Variants in CCNI observed in about 807,000 individuals in gnomAD.
CCNI encodes cyclin-I.
Under a neutral mutation model 34.1 loss-of-function variants are expected in CCNI, and 14 were observed. The ratio of observed to expected loss-of-function variants is 0.41; its 90% confidence interval spans 0.27 to 0.64. The LOEUF is 0.64. CCNI is among the 30% of genes least tolerant of loss of function. The probability of loss-of-function intolerance (pLI) is 0.31; values close to 1 mark genes in which losing one functional copy is unlikely to be tolerated. For missense variants in CCNI, 385 were observed against 440.5 expected (o/e 0.87, Z 1.13); for synonymous variants, 154 against 158.4 (o/e 0.97, Z 0.21).
intron 1 of CCNI, among the ~76,000 whole-genome samples, chr4:77,072,651 A>G (rs968300934): frequency 6.7e-6 from 1 of 149,892 alleles, no homozygotes; most frequent in South Asian, 2.1e-4. Flanking sequence ...AAAAAAAAAA[A>G]AAAAAAAAAA....
chr4:77,064,130 C>T (rs1455293055), intron 2 of CCNI, among the ~76,000 whole-genome samples: 1 of 151,756 alleles, frequency 6.6e-6, no homozygotes, highest in Non-Finnish European at 1.5e-5. Context: ...TTAATTCCAG[C>T]TACTTGGGAA....
chr4:77,048,777 T>G, intron 6 of CCNI, 115 bp from the exon 7 acceptor site: 1 of 622,748 alleles, frequency 1.6e-6, no homozygotes, highest in African/African-American at 1.8e-5. Flanking sequence ...GCTGAGTCTT[T>G]TCTCTCCCCA....
rs544982244 is a variant in CCNI, at chr4:77,059,711, G to C, written c.115-1076C>G. On this transcript the variant is annotated intron_variant, in intron 2 of 6. Coordinates refer to ENST00000237654, the MANE Select transcript of CCNI (RefSeq NM_006835.3). ...CCTACAATGGTATGGAACACTAGAA[G>C]TTATTCCTCATATCTAGCTGTAATT... Among the ~76,000 whole-genome samples the C allele has an allele frequency of 7.2e-5, 11 of 152,184 alleles. No individual in the cohort carries two copies. The South Asian group carries it at 2.3e-3, about 32-fold the overall frequency.
intron 2 of CCNI, among the ~76,000 whole-genome samples, chr4:77,062,150 A>G (rs181548904): frequency 1.6e-3 from 250 of 152,244 alleles, no homozygotes; most frequent in South Asian, 4.6e-3. Context: ...CTTATTATGT[A>G]TCTCTTGAGA....
chr4:77,073,572 A>G (rs1729655774), intron 1 of CCNI, among the ~76,000 whole-genome samples: 1 of 152,218 alleles, frequency 6.6e-6, no homozygotes, highest in Non-Finnish European at 1.5e-5. Flanking sequence ...ATGCACTAGA[A>G]ACAATGAATT....
At chr4:77,054,611 T>C (rs1353350951) in intron 6 of CCNI, among the ~76,000 whole-genome samples, 1 of 152,232 alleles carries the variant, frequency 6.6e-6, no homozygotes, top group Non-Finnish European at 1.5e-5. Flanking sequence ...AACCTATACA[T>C]TTTATAATAA....
chr4:77,075,791 G>C lies in CCNI; in HGVS notation c.-363C>G, dbSNP rs1560790676. 1 of 153,726 alleles carries C rather than the reference G, an allele frequency of 6.5e-6. No homozygotes were observed. Among genetic ancestry groups the C allele is most frequent in the Non-Finnish European group, 1.4e-5 (1 of 69,498 alleles). 9.5% of individuals were successfully genotyped at this position (153,726 alleles called of 1,614,324 possible). A position where few individuals can be genotyped will look rare whatever the true frequency, so the allele number is the denominator to read the frequency against. On this transcript the variant is annotated 5_prime_UTR_variant, in exon 1 of 7. Transcript: ENST00000237654. Reference sequence around the variant, plus strand: ...GGGGGCTCCCTCTCGCCATAGGGCGGCGGGGGCCGGGGAGAGGCGGGGGGT... The same window carrying C: ...GGGGGCTCCCTCTCGCCATAGGGCGCCGGGGGCCGGGGAGAGGCGGGGGGT...
chr4:77,070,227 G>C (rs927104981), intron 1 of CCNI, among the ~76,000 whole-genome samples: 1 of 151,892 alleles, frequency 6.6e-6, no homozygotes, highest in Non-Finnish European at 1.5e-5. Flanking sequence ...ATGTTGGCCA[G>C]GCTGGTCTTG....
intron 1 of CCNI, chr4:77,075,059 A>C (rs1729798298): frequency 6.7e-6 from 1 of 150,342 alleles, no homozygotes; most frequent in Non-Finnish European, 1.5e-5. Context: ...TGCCGTGCAA[A>C]GTTAGTAATC....
In CCNI at chr4:77,056,548, G is replaced by C. The variant is rs555748209; in HGVS notation, c.244-225C>G. ...GCTTTAGAGCAGTAATGAAAGGAAG[G>C]AAAGTACACTTGCAAGATCAAGTGT... On this transcript the variant is annotated intron_variant, in intron 3 of 6. Coordinates refer to ENST00000237654, the MANE Select transcript of CCNI (RefSeq NM_006835.3). 4 of 473,440 alleles carry C rather than the reference G, an allele frequency of 8.4e-6. No individual in the cohort carries two copies. In the South Asian group the frequency reaches 9.1e-5, roughly 11 times the overall value. 29.3% of individuals were successfully genotyped at this position (473,440 alleles called of 1,614,324 possible).
intron 6 of CCNI, among the ~76,000 whole-genome samples, chr4:77,050,803 G>T (rs1432035003): frequency 6.7e-6 from 1 of 149,704 alleles, no homozygotes; most frequent in African/African-American, 2.5e-5. Context: ...AAAGCACAGA[G>T]AAAGGATGGA....
intron 6 of CCNI, among the ~76,000 whole-genome samples, chr4:77,050,071 A>G (rs1449858510): frequency 6.6e-6 from 1 of 152,124 alleles, no homozygotes; most frequent in Non-Finnish European, 1.5e-5. Flanking sequence ...TTCCTAGCAT[A>G]CCCTCAACTT....
At chr4:77,066,451 G>C (rs1248323188) in intron 1 of CCNI, 46 bp from the exon 2 acceptor site, 9 of 1,452,274 alleles carry the variant, frequency 6.2e-6, no homozygotes, top group African/African-American at 1.4e-5. Context: ...AATAAGTGTA[G>C]CATTATATAA....
In CCNI at chr4:77,047,722, T is replaced by C. The variant is rs4252952; in HGVS notation, c.*497A>G. 7.7e-3 allele frequency: 1,174 copies of C among 153,278 alleles called. 8 individuals are homozygous for C. Among genetic ancestry groups the C allele is most frequent in the African/African-American group, 0.024 (994 of 41,550 alleles). The allele number at this position is 153,278 out of a possible 1,614,324, so 9.5% of individuals were successfully genotyped here. On this transcript the variant is annotated 3_prime_UTR_variant, in exon 7 of 7. Transcript: ENST00000237654. ...TTCCAAAGTACCCTTTTCAGACTAA[T>C]TGGAACTTGAGTCATGGCTGTCACA...
intron 1 of CCNI, among the ~76,000 whole-genome samples, chr4:77,072,142 TA>T (rs1017591809): frequency 2.0e-5 from 3 of 151,814 alleles, no homozygotes; most frequent in African/African-American, 7.3e-5. Flanking sequence ...CCAGCAATAT[TA>T]AAAAAAGGAT....
rs1054775045 is a variant in CCNI at position 77,075,952 on chromosome 4, G to A, written c.-524C>T. 1.5e-4 allele frequency: 23 copies of A among 151,948 alleles called. No homozygotes were observed. The highest frequency in any genetic ancestry group is 5.3e-4 in the African/African-American group (22 of 41,378). The allele number at this position is 151,948 out of a possible 1,614,324, so 9.4% of individuals were successfully genotyped here. ...AAATAAGAAAAAGCGAGACAGAGGC[G>A]CTGCCGCGTCCGCTCGCGGGGAAGG... is the stretch of plus-strand genomic sequence containing the variant. On this transcript the variant is annotated 5_prime_UTR_variant, in exon 1 of 7. Coordinates refer to ENST00000237654, the MANE Select transcript of CCNI (RefSeq NM_006835.3).
chr4:77,075,126 T>G (rs1374024347), intron 1 of CCNI: 1 of 152,098 alleles, frequency 6.6e-6, no homozygotes, highest in East Asian at 1.9e-4. Context: ...TCCCCTTCTT[T>G]GTGTATTAAC....
chr4:77,067,524 C>T (rs1429212723), intron 1 of CCNI, among the ~76,000 whole-genome samples: 1 of 152,038 alleles, frequency 6.6e-6, no homozygotes, highest in Non-Finnish European at 1.5e-5. Flanking sequence ...ACAAGAGTCC[C>T]ACTCTGTTGC....
chr4:77,056,140 G>C, intron 4 of CCNI, 38 bp from the exon 5 acceptor site: 1 of 1,606,318 alleles, frequency 6.2e-7, no homozygotes, highest in Non-Finnish European at 8.5e-7. Flanking sequence ...AGGGAGAAAA[G>C]GACAGAAAAG....
Sources: gnomAD v4.1 joint callset for allele counts (sites outside exome capture counted in the v4.1 genomes callset) on GRCh38, gnomAD v4.1.1 for gene constraint, MANE v1.5 for transcripts, NCBI Gene and HGNC (gene_info 2026-07-23, HGNC 2026-07-21) for gene names.